The following ITGA9 variants were observed in gnomAD, a reference collection of about 807,000 sequenced individuals.
ITGA9 encodes the protein integrin alpha-9.
Under a neutral mutation model 127.8 loss-of-function variants are expected in ITGA9, and 56 were observed. The ratio of observed to expected loss-of-function variants is 0.44; its 90% CI spans 0.35 to 0.55. ITGA9 has a LOEUF of 0.55. Ranked by LOEUF, ITGA9 falls within the 20% of genes least tolerant of loss-of-function variation. ITGA9 has a pLI of 0.00. For missense variants in ITGA9, 1,196 were observed against 1,347.1 expected (o/e 0.89, Z 1.76); for synonymous variants, 508 against 514.5 (o/e 0.99, Z 0.17).
intron 8 of ITGA9, 59 bp downstream of exon 8, chr3:37,508,686 C>A: frequency 1.4e-6 from 2 of 1,448,862 alleles, no homozygotes; most frequent in South Asian, 2.3e-5. Context: ...ATGTGGGAGT[C>A]AGTACTTTTT....
chr3:37,562,778 CT>C (rs2125600660), intron 15 of ITGA9, among the ~76,000 whole-genome samples: 1 of 152,302 alleles, frequency 6.6e-6, no homozygotes, highest in Admixed American at 6.5e-5. Context: ...GCATGATACC[CT>C]TCTTTCCATC....
intron 15 of ITGA9, among the ~76,000 whole-genome samples, chr3:37,621,183 G>C (rs1284105595): frequency 6.6e-6 from 1 of 152,138 alleles, no homozygotes; most frequent in Non-Finnish European, 1.5e-5. Context: ...ATTCTCTCTT[G>C]TCTGCTGCCA....
intron 15 of ITGA9, among the ~76,000 whole-genome samples, chr3:37,607,679 C>T (rs1282154499): frequency 6.6e-6 from 1 of 152,058 alleles, no homozygotes; most frequent in African/African-American, 2.4e-5. Flanking sequence ...GGTTTTTTTG[C>T]ATGGTGTAGA....
intron 18 of ITGA9, among the ~76,000 whole-genome samples, chr3:37,719,587 C>A (rs1044578892): frequency 6.6e-6 from 1 of 152,110 alleles, no homozygotes; most frequent in Non-Finnish European, 1.5e-5. Flanking sequence ...TATGACAGTT[C>A]GCCATAGGCG....
chr3:37,759,754 A>C (rs13075647), intron 23 of ITGA9, among the ~76,000 whole-genome samples: 35,442 of 151,504 alleles, frequency 0.23, 5,001 homozygotes, highest in Middle Eastern at 0.41. Context: ...ATACACAAAA[A>C]TTAGCCAGGT....
At chr3:37,505,871 T>C (rs886853952) in intron 6 of ITGA9, 129 bp from the exon 7 acceptor site, 2 of 745,522 alleles carry the variant, frequency 2.7e-6, no homozygotes, top group Admixed American at 4.0e-5. Context: ...ACAGCTGCCA[T>C]TTTTTTCCTG....
At chr3:37,558,586 T>A (rs1374321253) in intron 15 of ITGA9, among the ~76,000 whole-genome samples, 2 of 152,218 alleles carry the variant, frequency 1.3e-5, no homozygotes, top group Non-Finnish European at 2.9e-5. Context: ...TTAATAGTTC[T>A]CTATTTCACT....
intron 27 of ITGA9, among the ~76,000 whole-genome samples, chr3:37,815,030 T>G (rs1230399031): frequency 2.0e-5 from 3 of 152,210 alleles, no homozygotes; most frequent in Admixed American, 6.5e-5. Flanking sequence ...CAAGGCTGTT[T>G]CAGCCAGGGG....
intron 15 of ITGA9, among the ~76,000 whole-genome samples, chr3:37,606,396 A>T (rs547958446): frequency 6.6e-6 from 1 of 152,250 alleles, no homozygotes; most frequent in African/African-American, 2.4e-5. Flanking sequence ...GAGCCCTTGA[A>T]ATGTGGCTAT....
intron 21 of ITGA9, among the ~76,000 whole-genome samples, chr3:37,742,204 C>G (rs1022162700): frequency 7.2e-5 from 11 of 152,168 alleles, no homozygotes; most frequent in Non-Finnish European, 1.6e-4. Flanking sequence ...GTTGCTGGGC[C>G]AGAGATTATC....
At chr3:37,790,681 A>G (rs2507948) in intron 26 of ITGA9, 107,103 of 194,192 alleles carry the variant, frequency 0.55, 30,058 homozygotes, top group African/African-American at 0.6. Flanking sequence ...CTCAGGGAGC[A>G]TGTTAGCATG....
chr3:37,711,368 C>T (rs1237757232), intron 18 of ITGA9, among the ~76,000 whole-genome samples: 2 of 152,198 alleles, frequency 1.3e-5, no homozygotes, highest in Non-Finnish European at 2.9e-5. Context: ...CAGAAGCTCG[C>T]CTTTCCATGA....
intron 5 of ITGA9, among the ~76,000 whole-genome samples, chr3:37,497,885 A>C (rs1026923172): frequency 6.6e-6 from 1 of 152,240 alleles, no homozygotes; most frequent in African/African-American, 2.4e-5. Context: ...GGGTTTGCCC[A>C]GAACTTTGGG....
chr3:37,629,562 A>T lies in ITGA9; in HGVS notation c.1839+226A>T. 1 of 633,590 alleles carries T rather than the reference A, an allele frequency of 1.6e-6. No individual in the cohort carries two copies. Among genetic ancestry groups the T allele is most frequent in the Non-Finnish European group, 2.8e-6 (1 of 357,936 alleles). 39.2% of individuals were successfully genotyped at this position (633,590 alleles called of 1,614,324 possible). ...ACTTAAACACTTTCAGACAATTCTC[A>T]GGCTGTTAGAAGTTACAATCCCCTC... On this transcript the variant is annotated intron_variant, in intron 16 of 27. Transcript: ENST00000264741. This position sits in a 1 kb window ranked among gnomAD's most constrained non-coding sequence, Gnocchi z 4.5.
chr3:37,722,928 C>T (rs1701206252), intron 18 of ITGA9, among the ~76,000 whole-genome samples: 1 of 152,184 alleles, frequency 6.6e-6, no homozygotes, highest in South Asian at 2.1e-4. Flanking sequence ...TTTTACATTC[C>T]CATCAGTAGT....
At position 37,533,298 on chromosome 3, in the gene ITGA9, C is replaced by T; in HGVS notation, c.1374-16C>T. On this transcript the variant is annotated splice_polypyrimidine_tract_variant and intron_variant, in intron 13 of 27. Transcript: ENST00000264741. ...TCCTTACCACGACTAAGTCACCTTC[C>T]TCTCTTGCCCTGCAGAGCAAGGCCT... The T allele has an allele frequency of 6.2e-7, 1 of 1,613,948 alleles. No homozygotes were observed. Among genetic ancestry groups the T allele is most frequent in the Non-Finnish European group, 8.5e-7 (1 of 1,179,834 alleles).
intron 18 of ITGA9, among the ~76,000 whole-genome samples, chr3:37,692,410 A>AGTGTGTGTGT (rs1299517222): frequency 6.6e-5 from 9 of 135,898 alleles, no homozygotes; most frequent in African/African-American, 2.7e-4. Context: ...AGAGAGAGAG[A>AGTGTGTGTGT]GAGTGTGTGT....
chr3:37,601,210 C>T (rs552335770), intron 15 of ITGA9, among the ~76,000 whole-genome samples: 3 of 152,314 alleles, frequency 2.0e-5, no homozygotes, highest in African/African-American at 4.8e-5. Context: ...CTTTCTGCCA[C>T]GCCTCCACCT....
intron 17 of ITGA9, among the ~76,000 whole-genome samples, chr3:37,676,537 C>T (rs2125659151): frequency 6.6e-6 from 1 of 152,284 alleles, no homozygotes; most frequent in South Asian, 2.1e-4. Context: ...AGCCCTCTGA[C>T]AAAGAGATGG....
Sources: allele counts gnomAD v4.1 joint callset (sites outside exome capture counted in the v4.1 genomes callset), GRCh38; gene constraint gnomAD v4.1.1; non-coding constraint Gnocchi (gnomAD v3.1); transcripts MANE v1.5; gene names NCBI Gene and HGNC (gene_info 2026-07-23, HGNC 2026-07-21).